The following CTSH variants were observed in gnomAD, a reference collection of about 807,000 sequenced individuals.
CTSH encodes the protein cathepsin H.
A neutral mutation model predicts 56.3 loss-of-function variants in CTSH; 52 were observed. The ratio of observed to expected loss-of-function variants is 0.92; its 90% CI spans 0.74 to 1.16. CTSH has a LOEUF of 1.16. Among genes scored for constraint, CTSH ranks in the 50% most tolerant of loss-of-function variants. The pLI, the probability that CTSH is intolerant of heterozygous loss-of-function variation, is 0.00. For missense variants in CTSH, 406 were observed against 424.5 expected (o/e 0.96, Z 0.38); for synonymous variants, 174 against 155.7 (o/e 1.12, Z -0.88).
rs2054942196 is a variant in CTSH, at chr15:78,927,706, C to T, written c.699+7G>A. 6.2e-7 allele frequency: 1 copy of T among 1,613,782 alleles called. No individual in the cohort carries two copies. Among genetic ancestry groups the T allele is most frequent in the Non-Finnish European group, 8.5e-7 (1 of 1,179,702 alleles). On this transcript the variant is annotated splice_region_variant and intron_variant, in intron 9 of 11. Transcript: ENST00000220166. Reference sequence around the variant, plus strand: ...ATTCCCCATCCCAGAGGGGGATCGGCACTCACGATTGTGATGTTGGCTACA... The same window carrying T: ...ATTCCCCATCCCAGAGGGGGATCGGTACTCACGATTGTGATGTTGGCTACA...
At chr15:78,928,019 G>A (rs1221924235) in intron 8 of CTSH, among the ~76,000 whole-genome samples, 2 of 152,188 alleles carry the variant, frequency 1.3e-5, no homozygotes, top group Admixed American at 1.3e-4. Flanking sequence ...AGCCTGAGGA[G>A]GGGCCTCACC....
chr15:78,926,217 G>A (rs2054901086), intron 9 of CTSH: 1 of 152,402 alleles, frequency 6.6e-6, no homozygotes, highest in Admixed American at 6.5e-5. Flanking sequence ...GCAAGTGCAG[G>A]AGGGACGGGG....
chr15:78,944,978 A>C lies in CTSH; in HGVS notation c.4T>G (p.Trp2Gly). 1 of 1,541,776 alleles carries C rather than the reference A, an allele frequency of 6.5e-7. No individual in the cohort carries two copies. The highest frequency in any genetic ancestry group is 8.7e-7 in the Non-Finnish European group (1 of 1,144,112). MWATLPLLCAGA... is the reference protein window; with the variant it reads MGATLPLLCAGA... Reference sequence around the variant, plus strand: ...GCGCAGAGCAGCGGCAGCGTGGCCCACATCGCAGCGCTGGCGGCTTGGCTC... The same window carrying C: ...GCGCAGAGCAGCGGCAGCGTGGCCCCCATCGCAGCGCTGGCGGCTTGGCTC... The change falls in exon 1 of 12, where the codon TGG becomes GGG. Residue 2 changes from tryptophan to glycine, a missense_variant. Trp to Gly is a radical substitution (Grantham distance 184, BLOSUM62 -2). Transcript: ENST00000220166.
chr15:78,940,734 A>G (rs1484211472), intron 1 of CTSH, among the ~76,000 whole-genome samples: 3 of 151,682 alleles, frequency 2.0e-5, no homozygotes, highest in Non-Finnish European at 4.4e-5. Flanking sequence ...CAAGGTGGGC[A>G]GATCACCTGA....
Position 78,932,352 on chromosome 15 carries a change from G to A in CTSH, c.492+20C>T, listed in dbSNP as rs369287227. ...GATGGGGTGTCCTCCGCAGGGGGTCGCCTGTGGCTGATTTCTTACCAAGGA... is the reference window on the plus strand; with the variant it reads ...GATGGGGTGTCCTCCGCAGGGGGTCACCTGTGGCTGATTTCTTACCAAGGA... On this transcript the variant is annotated intron_variant, in intron 6 of 11. Transcript: ENST00000220166. 65 of 1,608,466 alleles carry A rather than the reference G, an allele frequency of 4.0e-5. No homozygotes were observed. The highest frequency in any genetic ancestry group is 3.2e-4 in the African/African-American group (24 of 74,884).
At chr15:78,939,566 A>G (rs1158184207) in intron 1 of CTSH, among the ~76,000 whole-genome samples, 1 of 152,200 alleles carries the variant, frequency 6.6e-6, no homozygotes. Context: ...GTATGAAGTT[A>G]TATTTCGGTA....
At chr15:78,935,391 T>A (rs1036523873) in intron 4 of CTSH, among the ~76,000 whole-genome samples, 1 of 152,264 alleles carries the variant, frequency 6.6e-6, no homozygotes, top group Admixed American at 6.5e-5. Context: ...ATATTTAGAA[T>A]ATACTTATGC....
In CTSH at chr15:78,935,050, T is replaced by C. The variant is rs762133290; in HGVS notation, c.333A>G (p.Arg111=). 1.9e-6 allele frequency: 3 copies of C among 1,614,030 alleles called. No homozygotes were observed. In the African/African-American group the frequency reaches 4.0e-5, roughly 22 times the overall value. ...CGGAAGGTGGGTAGGGACCAGTACC[T>C]CGAAGGTAGTTACTTTTGGTGGCTG... The part of the protein sequence containing the change: ...NCSATKSNYL[R]GTGPYPPSVD... The change falls in exon 5 of 12, where the codon CGA becomes CGG. Residue 111 remains arginine, a synonymous_variant. Coordinates refer to ENST00000220166, the MANE Select transcript of CTSH (RefSeq NM_004390.5).
intron 11 of CTSH, 71 bp downstream of exon 11, chr15:78,922,922 A>C: frequency 4.6e-6 from 7 of 1,526,144 alleles, no homozygotes; most frequent in Non-Finnish European, 6.1e-6. Flanking sequence ...CTGAGGTGGA[A>C]GTGATGCCCC....
chr15:78,936,725 G>T (rs569113236), intron 3 of CTSH, among the ~76,000 whole-genome samples: 1 of 151,362 alleles, frequency 6.6e-6, no homozygotes, highest in South Asian at 2.1e-4. Flanking sequence ...CACCTCCCGG[G>T]ATCAAGTGAT....
chr15:78,929,315 G>A, intron 8 of CTSH, 97 bp downstream of exon 8: 1 of 903,214 alleles, frequency 1.1e-6, no homozygotes, highest in South Asian at 1.4e-5. Context: ...CGGCGGGAGG[G>A]AGGTGGGGGG....
chr15:78,923,131 A>G lies in CTSH; in HGVS notation c.807-13T>C, dbSNP rs1567343525. On this transcript the variant is annotated splice_polypyrimidine_tract_variant and intron_variant, in intron 10 of 11. Coordinates refer to ENST00000220166, the MANE Select transcript of CTSH (RefSeq NM_004390.5). Reference sequence around the variant, plus strand: ...ATGGCAGGAAGTACTGGAAAACAAAATTCAAAAAGAGGTGATCATATGGGA... The same window carrying G: ...ATGGCAGGAAGTACTGGAAAACAAAGTTCAAAAAGAGGTGATCATATGGGA... The G allele has an allele frequency of 6.2e-7, 1 of 1,612,728 alleles. No homozygotes were observed. The highest frequency in any genetic ancestry group is 1.7e-5 in the Admixed American group (1 of 59,528).
chr15:78,935,185 A>G (rs1358285897), intron 4 of CTSH, 103 bp from the exon 5 acceptor site: 3 of 777,824 alleles, frequency 3.9e-6, no homozygotes, highest in African/African-American at 3.5e-5. Flanking sequence ...CCAAGAGAGA[A>G]TAAGAAAGGC....
rs571281996 is a variant in CTSH, at chr15:78,937,175, G to A, written c.229+143C>T. ...CCCACATTACACAGAGAGTAACAGCGGAGCCACAATCTGAGGTCAGCCAAA... is the reference window on the plus strand; with the variant it reads ...CCCACATTACACAGAGAGTAACAGCAGAGCCACAATCTGAGGTCAGCCAAA... On this transcript the variant is annotated intron_variant, in intron 3 of 11. Coordinates refer to ENST00000220166, the MANE Select transcript of CTSH (RefSeq NM_004390.5). 3.2e-5 allele frequency: 21 copies of A among 657,114 alleles called. No homozygotes were observed. In the East Asian group the frequency reaches 3.5e-4, roughly 11 times the overall value. 40.7% of individuals were successfully genotyped at this position (657,114 alleles called of 1,614,324 possible).
In CTSH at chr15:78,935,012, T is replaced by A; in HGVS notation, c.371A>T (p.Lys124Ile). The A allele has an allele frequency of 6.2e-7, 1 of 1,614,158 alleles. No homozygotes were observed. The highest frequency in any genetic ancestry group is 8.5e-7 in the Non-Finnish European group (1 of 1,179,990). Residue 124 changes from lysine (K) to isoleucine (I), a missense_variant, in exon 5 of 12, where the codon AAA becomes ATA. Lys to Ile is a moderately radical substitution (Grantham distance 102, BLOSUM62 -3). Coordinates refer to ENST00000220166, the MANE Select transcript of CTSH (RefSeq NM_004390.5). ...GPYPPSVDWR[K>I]KGNFVSPVKN... is the part of the protein sequence containing the mutation. The stretch of plus-strand genomic sequence containing the variant: ...CACAGGTGAGACAAAATTTCCTTTT[T>A]TCCGCCAGTCCACGGAAGGTGGGTA...
intron 1 of CTSH, among the ~76,000 whole-genome samples, chr15:78,943,575 T>TCTA (rs1437186007): frequency 6.6e-6 from 1 of 152,186 alleles, no homozygotes; most frequent in Non-Finnish European, 1.5e-5. Flanking sequence ...AACGGTTTCT[T>TCTA]ACAATTTTAA....
At chr15:78,931,602 GC>G in intron 6 of CTSH, 96 bp from the exon 7 acceptor site, 1 of 1,600,458 alleles carries the variant, frequency 6.2e-7, no homozygotes, top group Non-Finnish European at 8.5e-7. Flanking sequence ...CACATCTGAG[GC>G]CCCGTCAGTG....
chr15:78,922,899 G>A, intron 11 of CTSH, 94 bp downstream of exon 11: 1 of 1,461,654 alleles, frequency 6.8e-7, no homozygotes, highest in Non-Finnish European at 9.2e-7. Flanking sequence ...GCTCGTCTGT[G>A]GAAGCCGTAA....
At chr15:78,936,488 T>C (rs542417427) in intron 3 of CTSH, among the ~76,000 whole-genome samples, 1 of 152,178 alleles carries the variant, frequency 6.6e-6, no homozygotes, top group African/African-American at 2.4e-5. Flanking sequence ...TTAGCATCCC[T>C]GGAGGTCACA....
Sources: gnomAD v4.1 joint callset for allele counts (sites outside exome capture counted in the v4.1 genomes callset) on GRCh38, gnomAD v4.1.1 for gene constraint, MANE v1.5 for transcripts, NCBI Gene and HGNC (gene_info 2026-07-23, HGNC 2026-07-21) for gene names.